The following KDM5C variants were observed in gnomAD, a reference collection of about 807,000 sequenced individuals.
The protein encoded by KDM5C is lysine-specific demethylase 5C.
KDM5C carries 16 observed loss-of-function variants against 110.6 expected under a neutral mutation model. The ratio of observed to expected loss-of-function variants is 0.14; its 90% CI spans 0.10 to 0.22. The LOEUF (loss-of-function observed/expected upper bound fraction) is 0.22, where lower values mean the gene tolerates loss of function less well. Among genes scored for constraint, KDM5C ranks in the 10% least tolerant of loss-of-function variants. The probability of loss-of-function intolerance (pLI) is 1.00; values close to 1 mark genes in which losing one functional copy is unlikely to be tolerated. For missense variants in KDM5C, 681 were observed against 1,300.9 expected (o/e 0.52, Z 7.33); for synonymous variants, 511 against 520.4 (o/e 0.98, Z 0.24).
chrX:53,208,416 CATATATATATATAT>C (rs66504974), intron 12 of KDM5C, among the ~76,000 whole-genome samples: 23 of 85,360 alleles, frequency 2.7e-4, no homozygotes, highest in Non-Finnish European at 4.8e-4. Flanking sequence ...TATACACATA[CATATATATATATAT>C]ATATATATAT....
chrX:53,201,230 AAAT>A, intron 14 of KDM5C: 1 of 297,298 alleles, frequency 3.4e-6, no homozygotes, highest in Non-Finnish European at 6.1e-6. Flanking sequence ...TAGGTCATGT[AAAT>A]AATGATAAAT....
chrX:53,195,853 G>C (rs1209432931), intron 20 of KDM5C, 63 bp downstream of exon 20: 1 of 1,137,723 alleles, frequency 8.8e-7, no homozygotes, highest in African/African-American at 1.8e-5. Context: ...GCACATCCCA[G>C]TGTATATGCC....
intron 25 of KDM5C, among the ~76,000 whole-genome samples, chrX:53,180,883 C>T (rs990852193): frequency 9.2e-6 from 1 of 108,493 alleles, no homozygotes; most frequent in African/African-American, 3.3e-5. Context: ...CACCCGCCAC[C>T]ACGCCTGGCT....
At chrX:53,202,115 G>T in intron 12 of KDM5C, 142 bp from the exon 13 acceptor site, 1 of 682,910 alleles carries the variant, frequency 1.5e-6, no homozygotes, top group Non-Finnish European at 2.3e-6. Context: ...CTCCAACTCT[G>T]AAAGGAAGGA....
intron 14 of KDM5C, 104 bp from the exon 15 acceptor site, chrX:53,199,262 G>A (rs1468535677): frequency 1.1e-6 from 1 of 873,719 alleles, no homozygotes; most frequent in Non-Finnish European, 1.7e-6. Flanking sequence ...TCTATGCTGA[G>A]GGTCATGGGG....
At position 53,194,418 on chromosome X, in the gene KDM5C, C is replaced by T. The variant is rs781847165; in HGVS notation, c.3759G>A (p.Pro1253=). Residue 1253 remains proline, a synonymous_variant, in exon 23 of 26, where the codon CCG becomes CCA. Coordinates refer to ENST00000375401, the MANE Select transcript of KDM5C (RefSeq NM_004187.5). ...LCPLCMRSRR[P]RLETILALLV... is the part of the protein sequence containing the mutation. ...GCAGTGCCAGGATGGTCTCCAGGCG[C>T]GGGCGCCTTGAGCGCATACACAGTG... 31 of 1,210,068 alleles carry T rather than the reference C, an allele frequency of 2.6e-5. No individual in the cohort carries two copies. Among genetic ancestry groups the T allele is most frequent in the South Asian group, 7.1e-5 (4 of 56,686 alleles).
At position 53,225,110 on chromosome X, in the gene KDM5C, A is replaced by G; in HGVS notation, c.-221T>C. Reference sequence around the variant, plus strand: ...TCTTCGTCCCGCTCCGTTTCTTCCAAACTGTGTGGTTGCCTCCCCACTACC... The same window carrying G: ...TCTTCGTCCCGCTCCGTTTCTTCCAGACTGTGTGGTTGCCTCCCCACTACC... On this transcript the variant is annotated 5_prime_UTR_variant, in exon 1 of 26. Coordinates refer to ENST00000375401, the MANE Select transcript of KDM5C (RefSeq NM_004187.5). The G allele has an allele frequency of 2.5e-6, 1 of 400,541 alleles. No homozygotes were observed. The highest frequency in any genetic ancestry group is 5.6e-5 in the South Asian group (1 of 17,938). The allele number at this position is 400,541 out of a possible 1,213,427, so 33.0% of individuals were successfully genotyped here.
At position 53,193,314 on chromosome X, in the gene KDM5C, G is replaced by T; in HGVS notation, c.4336C>A (p.His1446Asn). 1 of 1,210,609 alleles carries T rather than the reference G, an allele frequency of 8.3e-7. No homozygotes were observed. ...TLLELEKAER[H>N]GSRARGRALE... is the part of the protein sequence containing the mutation. ...GCCCGGCCCCGAGCCCGACTCCCGT[G>T]ACGCTCTGCCTTCTCCAGCTGTGAT... Residue 1446 changes from histidine (H) to asparagine (N), a missense_variant, in exon 26 of 26, where the codon CAC becomes AAC. This residue lies in a region of KDM5C where 115 missense variants were observed against 120.9 expected (regional missense o/e 0.95). Transcript: ENST00000375401.
chrX:53,194,020 T>C lies in KDM5C; in HGVS notation c.4038+119A>G, dbSNP rs1934628263. On this transcript the variant is annotated intron_variant, in intron 23 of 25. Transcript: ENST00000375401. ...GAATCTGGACAGATGCAGAATGGAG[T>C]AGGAAGGCTGGTCCAAAGAAAACTG... The C allele has an allele frequency of 8.8e-6, 9 of 1,017,011 alleles. No homozygotes were observed. The South Asian group carries it at 1.6e-4, about 18-fold the overall frequency. 83.8% of individuals were successfully genotyped at this position (1,017,011 alleles called of 1,213,427 possible).
chrX:53,186,500 T>C (rs140150505), downstream of KDM5C, among the ~76,000 whole-genome samples: 33 of 111,914 alleles, frequency 2.9e-4, no homozygotes, highest in East Asian at 9.0e-3. Flanking sequence ...CCGAATAGAA[T>C]AGAGTTATAC....
At position 53,196,849 on chromosome X, in the gene KDM5C, G is replaced by C; in HGVS notation, c.2818C>G (p.Pro940Ala). Residue 940 changes from proline (P) to alanine (A), a missense_variant, in exon 19 of 26, where the codon CCC becomes GCC. Coordinates refer to ENST00000375401, the MANE Select transcript of KDM5C (RefSeq NM_004187.5). The stretch of plus-strand genomic sequence containing the variant: ...GCCAAGGTGCCCCTTCGGGCTGAGG[G>C]GGCCAGTGTGCGTTTCACCTCATCC... ...WLDEVKRTLA[P>A]SARRGTLAVM... is the part of the protein sequence containing the mutation. 1 of 1,207,889 alleles carries C rather than the reference G, an allele frequency of 8.3e-7. No homozygotes were observed. Among genetic ancestry groups the C allele is most frequent in the Non-Finnish European group, 1.1e-6 (1 of 893,245 alleles).
At chrX:53,194,785 T>C in intron 22 of KDM5C, 47 bp from the exon 23 acceptor site, 1 of 1,204,734 alleles carries the variant, frequency 8.3e-7, no homozygotes, top group Non-Finnish European at 1.1e-6. Context: ...GCCTACCCCT[T>C]CCCTTCTCTG....
intron 1 of KDM5C, among the ~76,000 whole-genome samples, chrX:53,222,392 G>A (rs1329496227): frequency 9.3e-6 from 1 of 107,876 alleles, no homozygotes; most frequent in African/African-American, 3.4e-5. Flanking sequence ...AGGCCAAAAT[G>A]GTATGGCTCA....
At chrX:53,185,190 C>T (rs781926988) in intron 25 of KDM5C, among the ~76,000 whole-genome samples, 1 of 112,109 alleles carries the variant, frequency 8.9e-6, no homozygotes, top group Admixed American at 9.5e-5. Context: ...TTGTCAGTGT[C>T]CCTTACAGTT....
chrX:53,217,082 G>A, intron 5 of KDM5C, 61 bp downstream of exon 5: 4 of 1,144,783 alleles, frequency 3.5e-6, no homozygotes, highest in African/African-American at 1.8e-5. Flanking sequence ...GCCTTAGCCA[G>A]AAGGAAGGAG....
chrX:53,215,752 G>A (rs2073722698), intron 7 of KDM5C, 43 bp downstream of exon 7: 2 of 1,159,976 alleles, frequency 1.7e-6, no homozygotes, highest in African/African-American at 3.6e-5. Flanking sequence ...CTTATTGAAG[G>A]GACAAGAAGC....
downstream of KDM5C, among the ~76,000 whole-genome samples, chrX:53,188,038 G>A (rs924515721): frequency 1.8e-5 from 2 of 110,666 alleles, no homozygotes; most frequent in East Asian, 2.8e-4. Flanking sequence ...CACTGCACCC[G>A]GCCAAAAAAT....
chrX:53,178,327 A>AC (rs1933937301), intron 25 of KDM5C, among the ~76,000 whole-genome samples: 1 of 112,002 alleles, frequency 8.9e-6, no homozygotes, highest in African/African-American at 3.2e-5. Flanking sequence ...ATGAGGGTAT[A>AC]TGTGTATATA....
intron 4 of KDM5C, among the ~76,000 whole-genome samples, chrX:53,217,550 GC>G (rs781898213): frequency 8.9e-6 from 1 of 111,932 alleles, no homozygotes; most frequent in Admixed American, 9.5e-5. Flanking sequence ...ACACCTTCTA[GC>G]CCAAGCTCTC....
Sources: allele counts gnomAD v4.1 joint callset (sites outside exome capture counted in the v4.1 genomes callset), GRCh38; gene constraint gnomAD v4.1.1; regional missense constraint gnomAD v4.1.1; transcripts MANE v1.5; gene names NCBI Gene and HGNC (gene_info 2026-07-23, HGNC 2026-07-21).